Variants in ASIC2 observed in about 807,000 individuals in gnomAD.
ASIC2 encodes acid sensing ion channel subunit 2.
Under a neutral mutation model 57.3 loss-of-function variants are expected in ASIC2, and 25 were observed. The observed-to-expected ratio is 0.44, with a 90% CI of 0.32 to 0.61. ASIC2 has a LOEUF of 0.61. Ranked by LOEUF, ASIC2 falls within the 20% of genes least tolerant of loss-of-function variation. The probability of loss-of-function intolerance (pLI) is 0.06; values close to 1 mark genes in which losing one functional copy is unlikely to be tolerated. For synonymous variants in ASIC2, 319 were observed against 307.5 expected (o/e 1.04, Z -0.39); for missense variants, 641 against 738.1 (o/e 0.87, Z 1.52).
chr17:33,925,220 G>C (rs531510021), intron 1 of ASIC2, among the ~76,000 whole-genome samples: 1 of 152,370 alleles, frequency 6.6e-6, no homozygotes, highest in East Asian at 1.9e-4. Flanking sequence ...TTTCTCATCT[G>C]TAAGAGGGAG....
At chr17:33,015,285 C>T (rs1224562699) in intron 9 of ASIC2, among the ~76,000 whole-genome samples, 2 of 152,136 alleles carry the variant, frequency 1.3e-5, no homozygotes, top group Non-Finnish European at 2.9e-5. Flanking sequence ...CACCCATCAG[C>T]GAAGGCCTGA....
chr17:33,700,594 G>C (rs559360553), intron 1 of ASIC2, among the ~76,000 whole-genome samples: 1 of 152,336 alleles, frequency 6.6e-6, no homozygotes, highest in Non-Finnish European at 1.5e-5. Flanking sequence ...AAAGACAGAT[G>C]CGAAAAGGGT....
At chr17:33,491,142 T>G (rs1462587464) in intron 1 of ASIC2, among the ~76,000 whole-genome samples, 1 of 152,196 alleles carries the variant, frequency 6.6e-6, no homozygotes, top group Non-Finnish European at 1.5e-5. Flanking sequence ...CTATTTTCTG[T>G]CATTTTCCTG....
chr17:33,628,929 G>C (rs1906073502), intron 1 of ASIC2, among the ~76,000 whole-genome samples: 1 of 152,184 alleles, frequency 6.6e-6, no homozygotes, highest in Non-Finnish European at 1.5e-5. Context: ...GGCAGTATCT[G>C]TTGCACGTGG....
At chr17:33,957,114 G>C (rs2141989141) in intron 1 of ASIC2, among the ~76,000 whole-genome samples, 1 of 152,306 alleles carries the variant, frequency 6.6e-6, no homozygotes, top group Admixed American at 6.5e-5. Flanking sequence ...ATGACCTCCA[G>C]GAGGGAATTC....
intron 1 of ASIC2, among the ~76,000 whole-genome samples, chr17:33,509,447 T>A (rs1195128567): frequency 6.6e-6 from 1 of 152,130 alleles, no homozygotes; most frequent in Non-Finnish European, 1.5e-5. Context: ...TCTGCCGCAA[T>A]CCCAAGTCTG....
intron 1 of ASIC2, among the ~76,000 whole-genome samples, chr17:33,986,361 C>A (rs1015654178): frequency 2.6e-5 from 4 of 151,906 alleles, no homozygotes; most frequent in African/African-American, 9.7e-5. Context: ...AAAGGCTTTT[C>A]ACTGCAGAAC....
chr17:33,130,219 A>T (rs144565410), intron 1 of ASIC2, among the ~76,000 whole-genome samples: 1 of 152,154 alleles, frequency 6.6e-6, no homozygotes, highest in Admixed American at 6.5e-5. Context: ...GTCAATGTAC[A>T]TGAATTTTTG....
intron 1 of ASIC2, among the ~76,000 whole-genome samples, chr17:33,844,486 C>T (rs1463369124): frequency 6.6e-6 from 1 of 152,126 alleles, no homozygotes; most frequent in Non-Finnish European, 1.5e-5. Context: ...TTGCCGGCAT[C>T]CAAGTAAACA....
intron 3 of ASIC2, 136 bp from the exon 4 acceptor site, chr17:33,028,528 A>G: frequency 8.9e-7 from 1 of 1,123,600 alleles, no homozygotes; most frequent in Middle Eastern, 3.0e-4. Context: ...TCTGGCTCCA[A>G]TACTAGTTTT....
At chr17:33,523,090 G>A (rs1349350215) in intron 1 of ASIC2, among the ~76,000 whole-genome samples, 1 of 152,194 alleles carries the variant, frequency 6.6e-6, no homozygotes, top group East Asian at 1.9e-4. Context: ...TCTGTCTTAA[G>A]GAAAAGACCC....
chr17:33,967,721 A>T (rs1905114520), intron 1 of ASIC2, among the ~76,000 whole-genome samples: 1 of 152,202 alleles, frequency 6.6e-6, no homozygotes, highest in Non-Finnish European at 1.5e-5. Flanking sequence ...AGTATATCTG[A>T]TGCTCAATTA....
intron 1 of ASIC2, among the ~76,000 whole-genome samples, chr17:33,614,767 A>G (rs1905539056): frequency 6.6e-6 from 1 of 152,218 alleles, no homozygotes. Flanking sequence ...ACATACATTT[A>G]CCAAAATCAT....
chr17:33,979,706 T>G (rs565057650), intron 1 of ASIC2, among the ~76,000 whole-genome samples: 1 of 152,318 alleles, frequency 6.6e-6, no homozygotes, highest in South Asian at 2.1e-4. Flanking sequence ...TTGGCCATTG[T>G]GAAAGTACAA....
intron 1 of ASIC2, among the ~76,000 whole-genome samples, chr17:33,115,091 C>G (rs1266202333): frequency 1.3e-5 from 2 of 152,216 alleles, no homozygotes; most frequent in African/African-American, 2.4e-5. Context: ...TGCCTCCTTG[C>G]TAGGGCTGGT....
At chr17:33,021,140 C>T in intron 7 of ASIC2, 79 bp downstream of exon 7, 2 of 1,077,146 alleles carry the variant, frequency 1.9e-6, no homozygotes, top group Middle Eastern at 2.9e-4. Context: ...TGTCTGCTTG[C>T]CTCCCATCCA....
intron 1 of ASIC2, among the ~76,000 whole-genome samples, chr17:34,014,136 GTACT>G (rs1206004974): frequency 6.6e-6 from 1 of 152,126 alleles, no homozygotes; most frequent in Non-Finnish European, 1.5e-5. Context: ...CATTTATTGG[GTACT>G]TACTATGTGC....
intron 1 of ASIC2, among the ~76,000 whole-genome samples, chr17:33,711,292 C>T (rs750832049): frequency 8.5e-5 from 13 of 152,160 alleles, no homozygotes; most frequent in Non-Finnish European, 1.8e-4. Flanking sequence ...GTTCAACCTG[C>T]TGAAATGTCC....
At chr17:33,241,250 A>G (rs895746886) in intron 1 of ASIC2, among the ~76,000 whole-genome samples, 3 of 152,242 alleles carry the variant, frequency 2.0e-5, no homozygotes, top group African/African-American at 7.2e-5. Context: ...GACTTACAGG[A>G]TATTGGTTCT....
Sources: gnomAD v4.1 joint callset for allele counts (sites outside exome capture counted in the v4.1 genomes callset) on GRCh38, gnomAD v4.1.1 for gene constraint, MANE v1.5 for transcripts, NCBI Gene and HGNC (gene_info 2026-07-23, HGNC 2026-07-21) for gene names.